Variants in ZSWIM6 observed in about 807,000 individuals in gnomAD.
ZSWIM6 encodes zinc finger SWIM-type containing 6, also known as zinc finger SWIM domain-containing protein 6.
A neutral mutation model predicts 113.2 loss-of-function variants in ZSWIM6; 9 were observed. The observed-to-expected ratio is 0.08, with a 90% confidence interval of 0.05 to 0.14. ZSWIM6 has a LOEUF of 0.14. Ranked by LOEUF, ZSWIM6 falls within the 10% of genes least tolerant of loss-of-function variation. The pLI, the probability that ZSWIM6 is intolerant of heterozygous loss-of-function variation, is 1.00. For synonymous variants in ZSWIM6, 611 were observed against 606.5 expected (o/e 1.01, Z -0.11); for missense variants, 1,162 against 1,552.2 (o/e 0.75, Z 4.22).
At chr5:61,540,947 G>A (rs1229893562) in intron 12 of ZSWIM6, among the ~76,000 whole-genome samples, 3 of 94,680 alleles carry the variant, frequency 3.2e-5, no homozygotes, top group African/African-American at 1.3e-4. Context: ...TGTTGTTGTT[G>A]TTGTTTTGTT....
intron 1 of ZSWIM6, among the ~76,000 whole-genome samples, chr5:61,426,815 T>C (rs915617795): frequency 2.3e-4 from 35 of 152,104 alleles, no homozygotes; most frequent in African/African-American, 3.1e-4. Flanking sequence ...GTTTTTCTTT[T>C]TTTTTTTTTT....
At chr5:61,401,100 T>C (rs897961959) in intron 1 of ZSWIM6, among the ~76,000 whole-genome samples, 1 of 152,234 alleles carries the variant, frequency 6.6e-6, no homozygotes, top group Non-Finnish European at 1.5e-5. Context: ...CCGACAATTA[T>C]TATGTTCTCG....
chr5:61,468,708 G>A (rs1268535942), intron 1 of ZSWIM6, among the ~76,000 whole-genome samples: 4 of 152,152 alleles, frequency 2.6e-5, no homozygotes, highest in Admixed American at 1.3e-4. Context: ...GGATTATTGA[G>A]GGAGGAACAG....
In ZSWIM6 at chr5:61,417,086, G is replaced by C. The variant is rs1480201344; in HGVS notation, c.677-55595G>C. ...GAACCCGGGAGGTGGAGGTTGCAGT[G>C]AGCCGAGATTGTGTCATTGCACTCC... is the stretch of plus-strand genomic sequence containing the variant. On this transcript the variant is annotated intron_variant, in intron 1 of 13. Coordinates refer to ENST00000252744, the MANE Select transcript of ZSWIM6 (RefSeq NM_020928.2). Among the ~76,000 whole-genome samples, 3 of 152,254 alleles carry C rather than the reference G, an allele frequency of 2.0e-5. No homozygotes were observed. The East Asian group carries it at 5.8e-4, about 29-fold the overall frequency.
intron 1 of ZSWIM6, among the ~76,000 whole-genome samples, chr5:61,365,876 C>G (rs573839333): frequency 6.6e-6 from 1 of 152,094 alleles, no homozygotes; most frequent in African/African-American, 2.4e-5. Flanking sequence ...ACCTTAGTTC[C>G]TCTTCTGTAA....
intron 1 of ZSWIM6, among the ~76,000 whole-genome samples, chr5:61,371,176 T>C (rs1313639799): frequency 6.6e-6 from 1 of 152,264 alleles, no homozygotes; most frequent in Non-Finnish European, 1.5e-5. Flanking sequence ...CCCTTGCCTT[T>C]TTAGATGTTT....
At chr5:61,437,717 CAAAAA>C (rs1177075747) in intron 1 of ZSWIM6, among the ~76,000 whole-genome samples, 1 of 56,870 alleles carries the variant, frequency 1.8e-5, no homozygotes. Context: ...ACCCTTTCTC[CAAAAA>C]AAAAAAAAAA....
chr5:61,484,577 G>T (rs1028665671), intron 2 of ZSWIM6, among the ~76,000 whole-genome samples: 1 of 152,178 alleles, frequency 6.6e-6, no homozygotes, highest in African/African-American at 2.4e-5. Flanking sequence ...TAGGTATTTT[G>T]TGCAGGGGTG....
rs2112289019 is a variant in ZSWIM6, at chr5:61,538,981, T to C, written c.2539+10T>C. On this transcript the variant is annotated intron_variant, in intron 11 of 13. Coordinates refer to ENST00000252744, the MANE Select transcript of ZSWIM6 (RefSeq NM_020928.2). ...CTAACTGCAGCCAAAGGTACTGTACTGTCCTGAGGCCTCATAATTGTTTCA... is the reference window on the plus strand; with the variant it reads ...CTAACTGCAGCCAAAGGTACTGTACCGTCCTGAGGCCTCATAATTGTTTCA... The C allele has an allele frequency of 2.6e-6, 4 of 1,514,222 alleles. No individual in the cohort carries two copies. The South Asian group carries it at 5.1e-5, about 19-fold the overall frequency. 93.8% of individuals were successfully genotyped at this position (1,514,222 alleles called of 1,614,324 possible). A position where few individuals can be genotyped will look rare whatever the true frequency, so the allele number is the denominator to read the frequency against.
intron 1 of ZSWIM6, among the ~76,000 whole-genome samples, chr5:61,356,052 A>G (rs2112045892): frequency 6.6e-6 from 1 of 152,274 alleles, no homozygotes; most frequent in Non-Finnish European, 1.5e-5. Context: ...AAATCTAAAC[A>G]CTGTAGTGAT....
rs570883481 is a variant in ZSWIM6, at chr5:61,510,590, ACT to A, written c.1334-10672_1334-10671del. 1.6e-3 allele frequency among the ~76,000 whole-genome samples: 239 copies of A among 151,694 alleles called. 2 individuals carry two copies. The highest frequency in any genetic ancestry group is 0.01 in the Middle Eastern group (3 of 294). On this transcript the variant is annotated intron_variant, in intron 4 of 13. Transcript: ENST00000252744. ...ACAGTGCCATCTTTTTGCTAAAATC[ACT>A]GAGTATGGAATAGGCAGTATTAGAA...
At chr5:61,502,329 C>T (rs1462957092) in intron 4 of ZSWIM6, among the ~76,000 whole-genome samples, 5 of 152,084 alleles carry the variant, frequency 3.3e-5, no homozygotes, top group African/African-American at 4.8e-5. Context: ...ATTTAAGCTT[C>T]GTTAGGCTCA....
chr5:61,378,586 G>C (rs933628578), intron 1 of ZSWIM6, among the ~76,000 whole-genome samples: 1 of 150,868 alleles, frequency 6.6e-6, no homozygotes, highest in Non-Finnish European at 1.5e-5. Context: ...ACAGGGTTTT[G>C]CTCTTGTTGC....
At position 61,544,709 on chromosome 5, in the gene ZSWIM6, T is replaced by A. The variant is rs1481416663; in HGVS notation, c.*392T>A. On this transcript the variant is annotated 3_prime_UTR_variant, in exon 14 of 14. Transcript: ENST00000252744. ...TTAAAAACCAAACAAAACACCTCCA[T>A]CCTGTGATAAGTACCTCGAATGGAT... 1 of 152,858 alleles carries A rather than the reference T, an allele frequency of 6.5e-6. No homozygotes were observed. Among genetic ancestry groups the A allele is most frequent in the African/African-American group, 2.4e-5 (1 of 41,446 alleles). 9.5% of individuals were successfully genotyped at this position (152,858 alleles called of 1,614,324 possible).
chr5:61,543,870 T>G lies in ZSWIM6; in HGVS notation c.3201T>G (p.Pro1067=). The G allele has an allele frequency of 1.3e-6, 2 of 1,552,030 alleles. No homozygotes were observed. Among genetic ancestry groups the G allele is most frequent in the Middle Eastern group, 1.7e-4 (1 of 5,994 alleles). Residue 1067 remains proline, a synonymous_variant, in exon 14 of 14, where the codon CCT becomes CCG. Coordinates refer to ENST00000252744, the MANE Select transcript of ZSWIM6 (RefSeq NM_020928.2). This position sits in a 1 kb window ranked among gnomAD's most constrained non-coding sequence, Gnocchi z 4.3. ...TGAGCTACAATCAGGACACACACCC[T>G]GCCATTAATGATGTTTTGTGGGCCT... ...LNLSYNQDTH[P]AINDVLWACA...
chr5:61,405,431 A>G (rs1002240767), intron 1 of ZSWIM6, among the ~76,000 whole-genome samples: 13 of 152,124 alleles, frequency 8.5e-5, no homozygotes, highest in Admixed American at 3.9e-4. Flanking sequence ...TTCTCTTTCA[A>G]TTTCTTCACC....
chr5:61,402,379 A>G (rs1017516776), intron 1 of ZSWIM6, among the ~76,000 whole-genome samples: 7 of 152,218 alleles, frequency 4.6e-5, no homozygotes, highest in African/African-American at 7.2e-5. Flanking sequence ...TAAAACTACA[A>G]TGGAATTTTG....
chr5:61,472,552 A>T lies in ZSWIM6; in HGVS notation c.677-129A>T. On this transcript the variant is annotated intron_variant, in intron 1 of 13. Transcript: ENST00000252744. The surrounding 1 kb of genome is among the most constrained non-coding windows in gnomAD (Gnocchi z 4.1). ...AGTGGTTAGTGGCCTGAATGTTTTT[A>T]CTTGAATATAGAGGCTGTCATATTT... 1 of 657,466 alleles carries T rather than the reference A, an allele frequency of 1.5e-6. No individual in the cohort carries two copies. Among genetic ancestry groups the T allele is most frequent in the Non-Finnish European group, 2.5e-6 (1 of 407,214 alleles). The allele number at this position is 657,466 out of a possible 1,614,324, so 40.7% of individuals were successfully genotyped here. A position where few individuals can be genotyped will look rare whatever the true frequency, so the allele number is the denominator to read the frequency against.
At chr5:61,467,586 C>T (rs1747463348) in intron 1 of ZSWIM6, among the ~76,000 whole-genome samples, 1 of 152,158 alleles carries the variant, frequency 6.6e-6, no homozygotes. Flanking sequence ...ACTTAGGGAC[C>T]TCTTAGGGGT....
Sources: allele counts gnomAD v4.1 joint callset (sites outside exome capture counted in the v4.1 genomes callset), GRCh38; gene constraint gnomAD v4.1.1; non-coding constraint Gnocchi (gnomAD v3.1); transcripts MANE v1.5; gene names NCBI Gene and HGNC (gene_info 2026-07-23, HGNC 2026-07-21).